Variants in PRTG observed in about 807,000 individuals in gnomAD.
PRTG encodes immunoglobulin superfamily, DCC subclass, member 5.
In PRTG, 67 loss-of-function variants were observed where a neutral mutation model predicts 122.5. The observed-to-expected ratio is 0.55, with a 90% CI of 0.45 to 0.67. PRTG has a LOEUF of 0.67. Among genes scored for constraint, PRTG ranks in the 30% least tolerant of loss-of-function variants. The pLI is 0.00. For synonymous variants in PRTG, 554 were observed against 501.1 expected (o/e 1.11, Z -1.41); for missense variants, 1,435 against 1,415.4 (o/e 1.01, Z -0.22).
chr15:55,710,243 G>A (rs2030325151), intron 2 of PRTG, among the ~76,000 whole-genome samples: 1 of 152,038 alleles, frequency 6.6e-6, no homozygotes, highest in Non-Finnish European at 1.5e-5. Context: ...GTTCCAGAAA[G>A]CCCTATTGAA....
At chr15:55,669,103 T>C (rs2059454151) in intron 11 of PRTG, among the ~76,000 whole-genome samples, 2 of 152,052 alleles carry the variant, frequency 1.3e-5, no homozygotes, top group Admixed American at 1.3e-4. Flanking sequence ...AAGAACTGTG[T>C]GTATTACCAA....
At chr15:55,625,423 A>C (rs1041150053) in intron 17 of PRTG, among the ~76,000 whole-genome samples, 2 of 152,006 alleles carry the variant, frequency 1.3e-5, no homozygotes, top group African/African-American at 4.8e-5. Flanking sequence ...AAGAAAAAGC[A>C]ATCTTCTTGT....
intron 11 of PRTG, among the ~76,000 whole-genome samples, chr15:55,668,669 C>T (rs1649281619): frequency 6.6e-6 from 1 of 152,012 alleles, no homozygotes; most frequent in African/African-American, 2.4e-5. Context: ...TTTTTCCAAC[C>T]CCACCACCAA....
rs547759009 is a variant in PRTG at position 55,641,977 on chromosome 15, A to T, written c.2042-769T>A. On this transcript the variant is annotated intron_variant, in intron 11 of 19. Coordinates refer to ENST00000389286, the MANE Select transcript of PRTG (RefSeq NM_173814.6). ...ATCATGAGGTCAGGAGATCGAGACC[A>T]TCCTGGCTAACAAGGTGAAACCCCG... Among the ~76,000 whole-genome samples the T allele has an allele frequency of 3.3e-3, 501 of 150,404 alleles. 2 individuals carry two copies. The highest frequency in any genetic ancestry group is 0.011 in the African/African-American group (466 of 40,858).
At chr15:55,701,473 G>A (rs2059663277) in intron 2 of PRTG, among the ~76,000 whole-genome samples, 1 of 152,160 alleles carries the variant, frequency 6.6e-6, no homozygotes, top group African/African-American at 2.4e-5. Flanking sequence ...GGCAGAGGTT[G>A]CAGTGAGCCG....
chr15:55,692,038 A>T lies in PRTG; in HGVS notation c.398-8107T>A, dbSNP rs182906650. Among the ~76,000 whole-genome samples, 193 of 152,300 alleles carry T rather than the reference A, an allele frequency of 1.3e-3. 1 individual carries two copies. Among genetic ancestry groups the T allele is most frequent in the Non-Finnish European group, 4.1e-4 (28 of 68,028 alleles). On this transcript the variant is annotated intron_variant, in intron 2 of 19. Coordinates refer to ENST00000389286, the MANE Select transcript of PRTG (RefSeq NM_173814.6). ...GGCAACAGAATGAGACCTTGCCTCA[A>T]AAAAATAAAAATAAAAATAAGAAAA...
chr15:55,636,618 T>C (rs2059259099), intron 15 of PRTG, among the ~76,000 whole-genome samples: 1 of 152,074 alleles, frequency 6.6e-6, no homozygotes, highest in Non-Finnish European at 1.5e-5. Context: ...TTTGCATTAC[T>C]CTAATCTCCA....
intron 11 of PRTG, among the ~76,000 whole-genome samples, chr15:55,645,964 A>G (rs902073701): frequency 4.6e-5 from 7 of 151,894 alleles, no homozygotes; most frequent in Non-Finnish European, 1.0e-4. Flanking sequence ...TTTGTTCAAA[A>G]CTCAACACAA....
chr15:55,674,109 T>C (rs184465907), intron 9 of PRTG, among the ~76,000 whole-genome samples: 32 of 152,368 alleles, frequency 2.1e-4, no homozygotes, highest in Admixed American at 1.2e-3. Context: ...AAAATTAATG[T>C]GAATTTTGTA....
intron 2 of PRTG, among the ~76,000 whole-genome samples, chr15:55,691,953 C>T (rs1346338807): frequency 6.6e-6 from 1 of 151,942 alleles, no homozygotes; most frequent in Non-Finnish European, 1.5e-5. Context: ...GGGAGAATTG[C>T]TTGAGCCCAG....
chr15:55,635,116 G>C (rs935629799), intron 15 of PRTG, among the ~76,000 whole-genome samples: 2 of 84,834 alleles, frequency 2.4e-5, no homozygotes, highest in African/African-American at 6.9e-5. Flanking sequence ...TTTTGAGACA[G>C]AGTCTCACTC....
chr15:55,724,082 G>C (rs1445149674), intron 2 of PRTG, among the ~76,000 whole-genome samples: 1 of 152,118 alleles, frequency 6.6e-6, no homozygotes, highest in Non-Finnish European at 1.5e-5. Context: ...ACTGAGACTT[G>C]TTTTGTGGCC....
rs376359097 is a variant in PRTG, at chr15:55,633,887, G to T, written c.2623+3283C>A. On this transcript the variant is annotated intron_variant, in intron 15 of 19. Transcript: ENST00000389286. ...TTTCTTAAAACCACAACAACTAAGAGAATATTTTTCCTGTGCACTATTATA... is the reference window on the plus strand; with the variant it reads ...TTTCTTAAAACCACAACAACTAAGATAATATTTTTCCTGTGCACTATTATA... Among the ~76,000 whole-genome samples the T allele has an allele frequency of 7.6e-4, 115 of 152,158 alleles. 1 individual carries two copies. Among genetic ancestry groups the T allele is most frequent in the Non-Finnish European group, 1.2e-3 (82 of 68,006 alleles).
intron 2 of PRTG, among the ~76,000 whole-genome samples, chr15:55,698,990 G>T (rs2059647304): frequency 6.6e-6 from 1 of 152,028 alleles, no homozygotes; most frequent in African/African-American, 2.4e-5. Flanking sequence ...AAAACAAATG[G>T]TAGCGCTCTT....
chr15:55,623,684 C>G (rs1350579720), intron 18 of PRTG, among the ~76,000 whole-genome samples: 1 of 152,184 alleles, frequency 6.6e-6, no homozygotes, highest in African/African-American at 2.4e-5. Flanking sequence ...GTTGTGGGAG[C>G]TATTCCAATA....
intron 2 of PRTG, among the ~76,000 whole-genome samples, chr15:55,728,684 C>G (rs1368817298): frequency 6.6e-5 from 10 of 152,090 alleles, no homozygotes; most frequent in African/African-American, 9.7e-5. Flanking sequence ...CTCCTCTGAT[C>G]AAGAAAAAGA....
At chr15:55,684,281 G>A (rs1194731326) in intron 2 of PRTG, among the ~76,000 whole-genome samples, 1 of 152,130 alleles carries the variant, frequency 6.6e-6, no homozygotes, top group East Asian at 1.9e-4. Context: ...CAGAGGAGAG[G>A]GAAACAAATA....
chr15:55,653,361 CCT>C (rs1303935593), intron 11 of PRTG, among the ~76,000 whole-genome samples: 2 of 152,152 alleles, frequency 1.3e-5, no homozygotes, highest in Non-Finnish European at 1.5e-5. Flanking sequence ...AAAAACATCC[CCT>C]CTCCTACTGA....
chr15:55,649,115 CA>C (rs1290246638), intron 11 of PRTG, among the ~76,000 whole-genome samples: 4 of 150,054 alleles, frequency 2.7e-5, no homozygotes, highest in South Asian at 2.1e-4. Flanking sequence ...AAAACAAAAA[CA>C]AAAAAAACCC....
Sources: allele counts gnomAD v4.1 joint callset (sites outside exome capture counted in the v4.1 genomes callset), GRCh38; gene constraint gnomAD v4.1.1; transcripts MANE v1.5; gene names NCBI Gene and HGNC (gene_info 2026-07-23, HGNC 2026-07-21).